The following ARHGEF18 variants were observed in gnomAD, a reference collection of about 807,000 sequenced individuals.
ARHGEF18 encodes rho guanine nucleotide exchange factor 18.
Under a neutral mutation model 155.7 loss-of-function variants are expected in ARHGEF18, and 93 were observed. The ratio of observed to expected loss-of-function variants is 0.60; its 90% confidence interval spans 0.50 to 0.71. The LOEUF (loss-of-function observed/expected upper bound fraction) is 0.71. ARHGEF18 is among the 30% of genes least tolerant of loss of function. ARHGEF18 has a pLI of 0.00. For missense variants in ARHGEF18, 1,593 were observed against 1,816.1 expected, an observed-to-expected ratio of 0.88 and a Z score of 2.23; for synonymous variants, 742 against 753.1, an observed-to-expected ratio of 0.99 and a Z score of 0.24.
At chr19:7,437,032 C>T (rs972776534) in intron 10 of ARHGEF18, among the ~76,000 whole-genome samples, 1 of 152,150 alleles carries the variant, frequency 6.6e-6, no homozygotes, top group African/African-American at 2.4e-5. Context: ...AGCTTAGTGG[C>T]TGATGTCTTA....
At position 7,471,958 on chromosome 19, in the gene ARHGEF18, A is replaced by C. The variant is rs889822915; in HGVS notation, c.*1660A>C. 1 of 151,120 alleles carries C rather than the reference A, an allele frequency of 6.6e-6. No homozygotes were observed. The highest frequency in any genetic ancestry group is 6.6e-5 in the Admixed American group (1 of 15,208). 9.4% of individuals were successfully genotyped at this position (151,120 alleles called of 1,614,324 possible). On this transcript the variant is annotated 3_prime_UTR_variant, in exon 29 of 29. Transcript: ENST00000668164. This position sits in a 1 kb window ranked among gnomAD's most constrained non-coding sequence, Gnocchi z 4.4. ...CCCCCCGTCAGATCCCATGTGTGCC[A>C]TGTTTATCATCAGTGTTTTGTATTT...
intron 10 of ARHGEF18, among the ~76,000 whole-genome samples, chr19:7,419,161 C>T: frequency 8.7e-6 from 1 of 114,596 alleles, no homozygotes; most frequent in African/African-American, 5.9e-5. Flanking sequence ...ATGTACCCAC[C>T]CTCAGCCTCT....
intron 10 of ARHGEF18, among the ~76,000 whole-genome samples, chr19:7,386,011 TCTCTCTCCCTCTCC>T (rs1971052339): frequency 7.9e-6 from 1 of 126,680 alleles, no homozygotes; most frequent in South Asian, 2.9e-4. Flanking sequence ...TCTCTTTCTC[TCTCTCTCCCTCTCC>T]CTCTCTCCCT....
At chr19:7,417,206 C>G (rs1301788887) in intron 10 of ARHGEF18, among the ~76,000 whole-genome samples, 3 of 152,122 alleles carry the variant, frequency 2.0e-5, no homozygotes, top group African/African-American at 7.2e-5. Context: ...AACCACTACA[C>G]CTGGCCTGGA....
chr19:7,367,910 A>T lies in ARHGEF18; in HGVS notation c.16-4902A>T, dbSNP rs1335417231. On this transcript the variant is annotated intron_variant, in intron 2 of 28. Transcript: ENST00000668164. ...TTATATATATTTTTTATATATATATATTTTATATATATATATAAAAGCTGG... is the reference window on the plus strand; with the variant it reads ...TTATATATATTTTTTATATATATATTTTTTATATATATATATAAAAGCTGG... Among the ~76,000 whole-genome samples the T allele has an allele frequency of 4.9e-5, 5 of 101,400 alleles. 1 individual carries two copies. Among genetic ancestry groups the T allele is most frequent in the Non-Finnish European group, 8.7e-5 (5 of 57,466 alleles). 66.5% of individuals were successfully genotyped at this position (101,400 alleles called of 152,430 possible).
Position 7,444,460 on chromosome 19 carries a change from T to C in ARHGEF18, c.1611+6T>C. The C allele has an allele frequency of 6.2e-7, 1 of 1,612,710 alleles. No individual in the cohort carries two copies. Among genetic ancestry groups the C allele is most frequent in the South Asian group, 1.1e-5 (1 of 91,060 alleles). ...GCGACCTCCTGGTTCAGCAGGTGGG[T>C]GCAGCCGTGTTCATCTCAACAGTCT... On this transcript the variant is annotated splice_donor_region_variant and intron_variant, in intron 14 of 28. Coordinates refer to ENST00000668164, the MANE Select transcript of ARHGEF18 (RefSeq NM_001367823.1). This position sits in a 1 kb window ranked among gnomAD's most constrained non-coding sequence, Gnocchi z 4.7.
rs1414022369 is a variant in ARHGEF18, at chr19:7,469,029, G to C, written c.3685G>C (p.Ala1229Pro). The C allele has an allele frequency of 6.2e-7, 1 of 1,601,562 alleles. No homozygotes were observed. Among genetic ancestry groups the C allele is most frequent in the African/African-American group, 1.3e-5 (1 of 74,814 alleles). Residue 1229 changes from alanine to proline, a missense_variant, in exon 27 of 29, where the codon GCG (alanine) becomes CCG (proline). Physicochemically the swap from Ala to Pro is conservative, Grantham distance 27. Transcript: ENST00000668164. ...CGCCACCAACCAGTTCCAGAGGCAG[G>C]CGGCCGTGCAGCAGCAGATCCCCAC... is the stretch of plus-strand genomic sequence containing the variant. ...LSATNQFQRQ[A>P]AVQQQIPTKL...
chr19:7,376,677 G>A lies in ARHGEF18; in HGVS notation c.461G>A (p.Arg154Lys), dbSNP rs1452608555. The A allele has an allele frequency of 8.9e-6, 11 of 1,234,358 alleles. No individual in the cohort carries two copies. Among genetic ancestry groups the A allele is most frequent in the Non-Finnish European group, 1.1e-5 (11 of 988,262 alleles). The allele number at this position is 1,234,358 out of a possible 1,614,324, so 76.5% of individuals were successfully genotyped here. A position where few individuals can be genotyped will look rare whatever the true frequency, so the allele number is the denominator to read the frequency against. The change falls in exon 5 of 29, where the codon AGG becomes AAG. Residue 154 changes from arginine (R) to lysine (K), a missense_variant. By Grantham distance (26) the Arg-to-Lys change is conservative. Transcript: ENST00000668164. ...AGCCCCAAGAAAAGAGGGAGGTCAA[G>A]GTCCGTTCCTGTGTCCTTCTATGAG... ...CDSPKKRGRS[R>K]SVPVSFYEIR...
chr19:7,439,569 C>G, intron 10 of ARHGEF18: 4 of 520,986 alleles, frequency 7.7e-6, no homozygotes, highest in Non-Finnish European at 1.0e-5. Flanking sequence ...GTGTAGACAG[C>G]GGTTTGCAGC....
intron 1 of ARHGEF18, among the ~76,000 whole-genome samples, chr19:7,361,946 C>A (rs1969565307): frequency 6.6e-6 from 1 of 150,458 alleles, no homozygotes; most frequent in East Asian, 2.0e-4. Flanking sequence ...GAGCTGAGAT[C>A]ACGCCACTGC....
intron 1 of ARHGEF18, among the ~76,000 whole-genome samples, chr19:7,351,695 TC>T (rs904913458): frequency 4.7e-5 from 3 of 64,254 alleles, no homozygotes; most frequent in Admixed American, 3.5e-4. Context: ...TCTGCCTCTC[TC>T]TCTCTCTCTT....
At chr19:7,436,530 G>A (rs184201771) in intron 10 of ARHGEF18, among the ~76,000 whole-genome samples, 5 of 152,116 alleles carry the variant, frequency 3.3e-5, no homozygotes, top group East Asian at 3.9e-4. Flanking sequence ...CACCCCGCTC[G>A]GCCTCCCAAA....
At chr19:7,476,158 A>T (rs1481017093), downstream of ARHGEF18, among the ~76,000 whole-genome samples, 3 of 152,212 alleles carry the variant, frequency 2.0e-5, no homozygotes, top group Non-Finnish European at 4.4e-5. Context: ...AAAAAGTTTA[A>T]AAATTAGCTG....
At chr19:7,448,135 G>T (rs990233284) in intron 15 of ARHGEF18, among the ~76,000 whole-genome samples, 26 of 152,208 alleles carry the variant, frequency 1.7e-4, no homozygotes, top group Non-Finnish European at 3.1e-4. Context: ...ATGACACAAA[G>T]GGTCGTTTGA....
At chr19:7,396,715 A>T (rs1041227996) in intron 10 of ARHGEF18, among the ~76,000 whole-genome samples, 12 of 151,910 alleles carry the variant, frequency 7.9e-5, no homozygotes, top group African/African-American at 2.2e-4. Context: ...CTGTCTAAAA[A>T]AAAAAAAAAA....
intron 23 of ARHGEF18, 32 bp downstream of exon 23, chr19:7,464,722 T>G: frequency 4.3e-6 from 7 of 1,611,374 alleles, no homozygotes; most frequent in Non-Finnish European, 5.9e-6. Flanking sequence ...CGGTACAGTC[T>G]GAGTCGTCAT....
At chr19:7,381,728 TAAAA>T (rs1970753881) in intron 8 of ARHGEF18, among the ~76,000 whole-genome samples, 1 of 143,414 alleles carries the variant, frequency 7.0e-6, no homozygotes, top group South Asian at 2.1e-4. Context: ...TAAATAAAAA[TAAAA>T]AGAGCAGTGG....
intron 15 of ARHGEF18, among the ~76,000 whole-genome samples, chr19:7,449,353 C>T (rs1975216147): frequency 1.3e-5 from 2 of 152,100 alleles, no homozygotes; most frequent in South Asian, 4.1e-4. Flanking sequence ...GCAGGCGGAT[C>T]ACTTGAGCCC....
intron 1 of ARHGEF18, among the ~76,000 whole-genome samples, chr19:7,358,535 T>TTCAACCATCCAC (rs1969419488): frequency 6.6e-6 from 1 of 151,584 alleles, no homozygotes; most frequent in Admixed American, 6.6e-5. Context: ...CACCCATCCA[T>TTCAACCATCCAC]TCAACCATCC....
Sources: allele counts gnomAD v4.1 joint callset (sites outside exome capture counted in the v4.1 genomes callset), GRCh38; gene constraint gnomAD v4.1.1; non-coding constraint Gnocchi (gnomAD v3.1); transcripts MANE v1.5; gene names NCBI Gene and HGNC (gene_info 2026-07-23, HGNC 2026-07-21).